The following STAC2 variants were observed in gnomAD, a reference collection of about 807,000 sequenced individuals.
STAC2 encodes the protein SH3 and cysteine-rich domain-containing protein 2.
Under a neutral mutation model 49.0 loss-of-function variants are expected in STAC2, and 36 were observed. That is an observed-to-expected ratio of 0.74 (90% CI 0.56 to 0.97). The LOEUF (loss-of-function observed/expected upper bound fraction) is 0.97, where lower values mean the gene tolerates loss of function less well. Ranked by LOEUF, STAC2 falls within the 50% of genes least tolerant of loss-of-function variation. The pLI is 0.00. For missense variants in STAC2, 527 were observed against 543.8 expected (o/e 0.97, Z 0.31); for synonymous variants, 239 against 214.7 (o/e 1.11, Z -0.99).
At chr17:39,224,325 G>A (rs1028369959) in intron 1 of STAC2, among the ~76,000 whole-genome samples, 3 of 152,220 alleles carry the variant, frequency 2.0e-5, no homozygotes, top group Non-Finnish European at 4.4e-5. Context: ...CCGGGTGAAG[G>A]GGGAGGGAGG....
At chr17:39,224,473 G>A (rs1361216373) in intron 1 of STAC2, among the ~76,000 whole-genome samples, 1 of 152,188 alleles carries the variant, frequency 6.6e-6, no homozygotes, top group African/African-American at 2.4e-5. Context: ...TAGAACTTGG[G>A]AAGGGAGCAG....
At chr17:39,221,384 C>A (rs1489459171) in intron 1 of STAC2, among the ~76,000 whole-genome samples, 2 of 152,226 alleles carry the variant, frequency 1.3e-5, no homozygotes, top group African/African-American at 4.8e-5. Context: ...CAGGCGTCAG[C>A]CACCGCGCCT....
chr17:39,220,365 G>A (rs543224026), intron 1 of STAC2, among the ~76,000 whole-genome samples: 7 of 152,294 alleles, frequency 4.6e-5, no homozygotes, highest in South Asian at 2.1e-4. Context: ...ACACAGGGTC[G>A]CCGGAGGATG....
At position 39,225,370 on chromosome 17, in the gene STAC2, C is replaced by A; in HGVS notation, c.90+43G>T. 1 of 1,540,368 alleles carries A rather than the reference C, an allele frequency of 6.5e-7. No homozygotes were observed. Among genetic ancestry groups the A allele is most frequent in the Non-Finnish European group, 8.7e-7 (1 of 1,147,252 alleles). The stretch of plus-strand genomic sequence containing the variant: ...GGAGGACCCCGCCGGGAAGAGGGCG[C>A]CCGGGCCCGGGGCGCGGACAGGCCT... On this transcript the variant is annotated intron_variant, in intron 1 of 10. Transcript: ENST00000333461. The surrounding 1 kb of genome is among the most constrained non-coding windows in gnomAD (Gnocchi z 8.2).
chr17:39,213,861 C>T (rs1419090251), intron 8 of STAC2, among the ~76,000 whole-genome samples: 1 of 151,674 alleles, frequency 6.6e-6, no homozygotes, highest in Non-Finnish European at 1.5e-5. Context: ...ATTTTTAGTA[C>T]AGATGGGGTT....
intron 1 of STAC2, among the ~76,000 whole-genome samples, chr17:39,224,450 A>C (rs1470006750): frequency 1.3e-5 from 2 of 152,170 alleles, no homozygotes; most frequent in Non-Finnish European, 2.9e-5. Flanking sequence ...CTCGCGGGCC[A>C]GTCGCCAGCA....
At chr17:39,212,848 C>T (rs2046366123) in intron 10 of STAC2, 147 bp downstream of exon 10, 3 of 1,357,038 alleles carry the variant, frequency 2.2e-6, no homozygotes, top group African/African-American at 2.9e-5. Context: ...TAGGAGGGCC[C>T]TGCAACCCTT....
chr17:39,213,679 T>TC, intron 8 of STAC2, 121 bp from the exon 9 acceptor site: 1 of 895,312 alleles, frequency 1.1e-6, no homozygotes, highest in Non-Finnish European at 1.7e-6. Context: ...ATTCTTTTTT[T>TC]TTTTTTTTTT....
chr17:39,218,502 G>A (rs2046431273), intron 1 of STAC2, among the ~76,000 whole-genome samples: 1 of 152,186 alleles, frequency 6.6e-6, no homozygotes, highest in African/African-American at 2.4e-5. Context: ...AATTGAGGCT[G>A]TTGCCAGGTT....
rs2046351056 is a variant in STAC2, at chr17:39,211,164, G to T, written c.*1128C>A. 1.3e-5 allele frequency: 2 copies of T among 152,430 alleles called. No individual in the cohort carries two copies. Among genetic ancestry groups the T allele is most frequent in the African/African-American group, 4.8e-5 (2 of 41,446 alleles). The allele number at this position is 152,430 out of a possible 1,614,324, so 9.4% of individuals were successfully genotyped here. On this transcript the variant is annotated 3_prime_UTR_variant, in exon 11 of 11. Transcript: ENST00000333461. ...CAGTCACAGGCTCCCCTGGCGGGTGGTTCCTGTGTGACCGGGGGTCCTGAC... is the reference window on the plus strand; with the variant it reads ...CAGTCACAGGCTCCCCTGGCGGGTGTTTCCTGTGTGACCGGGGGTCCTGAC...
intron 8 of STAC2, among the ~76,000 whole-genome samples, 195 bp downstream of exon 8, chr17:39,214,038 C>T (rs1007559321): frequency 6.6e-6 from 1 of 152,040 alleles, no homozygotes; most frequent in African/African-American, 2.4e-5. Context: ...CAGGCACTCG[C>T]TGGGCAGCCC....
In STAC2 at chr17:39,212,563, G is replaced by T. The variant is rs562458463; in HGVS notation, c.1132-167C>A. Among the ~76,000 whole-genome samples, 3 of 152,228 alleles carry T rather than the reference G, an allele frequency of 2.0e-5. No individual in the cohort carries two copies. In the South Asian group the frequency reaches 6.2e-4, roughly 32 times the overall value. On this transcript the variant is annotated intron_variant, in intron 10 of 10. Transcript: ENST00000333461. ...GGGACCAGATCCCAGGAGTGTAGAGGCCTCAGCAGCAAGACCAGCACGTCA... is the reference window on the plus strand; with the variant it reads ...GGGACCAGATCCCAGGAGTGTAGAGTCCTCAGCAGCAAGACCAGCACGTCA...
chr17:39,225,396 T>C lies in STAC2; in HGVS notation c.90+17A>G, dbSNP rs772071450. On this transcript the variant is annotated intron_variant, in intron 1 of 10. Transcript: ENST00000333461. The surrounding 1 kb of genome is among the most constrained non-coding windows in gnomAD (Gnocchi z 8.2). ...CCGGGCCCGGGGCGCGGACAGGCCT[T>C]GCGCCCCCCAAGTTACCTTGGTTTC... 7 of 1,592,376 alleles carry C rather than the reference T, an allele frequency of 4.4e-6. No homozygotes were observed. In the South Asian group the frequency reaches 4.4e-5, roughly 10 times the overall value.
At chr17:39,223,287 G>T (rs1455553466) in intron 1 of STAC2, among the ~76,000 whole-genome samples, 1 of 152,206 alleles carries the variant, frequency 6.6e-6, no homozygotes, top group East Asian at 1.9e-4. Flanking sequence ...TGAGGTGCAG[G>T]ATGGAAGGAG....
chr17:39,215,196 G>T lies in STAC2; in HGVS notation c.621C>A (p.Thr207=). The T allele has an allele frequency of 6.2e-7, 1 of 1,613,980 alleles. No individual in the cohort carries two copies. Among genetic ancestry groups the T allele is most frequent in the Non-Finnish European group, 8.5e-7 (1 of 1,179,988 alleles). Residue 207 remains threonine (T), a synonymous_variant, in exon 5 of 11, where the codon ACC becomes ACA. Transcript: ENST00000333461. ...GTGCCAGGGAGGTGCCATAGCGCAG[G>T]GTCTCGTAGACAGGGTCCACCTTCC... ...DSGKVDPVYE[T]LRYGTSLALM...
chr17:39,217,245 G>T, intron 2 of STAC2, 72 bp from the exon 3 acceptor site: 2 of 1,459,266 alleles, frequency 1.4e-6, no homozygotes, highest in Non-Finnish European at 9.5e-7. Flanking sequence ...CACATTAGGG[G>T]ATGAGGAGAG....
chr17:39,215,400 C>T (rs963195692), intron 4 of STAC2, among the ~76,000 whole-genome samples, 170 bp from the exon 5 acceptor site: 9 of 152,204 alleles, frequency 5.9e-5, no homozygotes, highest in Middle Eastern at 3.2e-3. Context: ...CATGCAGAAA[C>T]TTGGAGCATC....
chr17:39,214,883 G>C (rs1480659227), intron 6 of STAC2, 22 bp from the exon 7 acceptor site: 1 of 1,613,884 alleles, frequency 6.2e-7, no homozygotes, highest in Non-Finnish European at 8.5e-7. Context: ...AGAGGGAAAG[G>C]GTGAGAGGCA....
In STAC2 at chr17:39,213,081, C is replaced by G. The variant is rs1454223919; in HGVS notation, c.1045G>C (p.Val349Leu). The G allele has an allele frequency of 6.2e-7, 1 of 1,613,124 alleles. No individual in the cohort carries two copies. The highest frequency in any genetic ancestry group is 8.5e-7 in the Non-Finnish European group (1 of 1,180,048). The change falls in exon 10 of 11, where the codon GTG becomes CTG. Residue 349 changes from valine (V) to leucine (L), a missense_variant. Val to Leu is a conservative substitution (Grantham distance 32, BLOSUM62 1). Transcript: ENST00000333461. ...GFFPANFVQR[V>L]RPGENVWRCC... Reference sequence around the variant, plus strand: ...CGCCAAACATTCTCGCCTGGCCTCACCCGTTGCACAAAATTAGCTGGGAAG... The same window carrying G: ...CGCCAAACATTCTCGCCTGGCCTCAGCCGTTGCACAAAATTAGCTGGGAAG...
Sources: allele counts gnomAD v4.1 joint callset (sites outside exome capture counted in the v4.1 genomes callset), GRCh38; gene constraint gnomAD v4.1.1; non-coding constraint Gnocchi (gnomAD v3.1); transcripts MANE v1.5; gene names NCBI Gene and HGNC (gene_info 2026-07-23, HGNC 2026-07-21).